EIF2S2: variants seen among roughly 807,000 people sequenced by gnomAD.
EIF2S2 encodes the protein eukaryotic translation initiation factor 2 subunit 2.
Under a neutral mutation model 44.0 loss-of-function variants are expected in EIF2S2, and 4 were observed. The ratio of observed to expected loss-of-function variants is 0.09; its 90% CI spans 0.04 to 0.21. EIF2S2 has a LOEUF of 0.21. EIF2S2 is among the 10% of genes least tolerant of loss of function. The pLI, the probability that EIF2S2 is intolerant of heterozygous loss-of-function variation, is 1.00. For missense variants in EIF2S2, 154 were observed against 392.0 expected, an observed-to-expected ratio of 0.39 and a Z score of 5.13; for synonymous variants, 108 against 128.3, an observed-to-expected ratio of 0.84 and a Z score of 1.07.
At chr20:34,105,293 C>T in intron 2 of EIF2S2, 75 bp downstream of exon 2, 1 of 1,520,036 alleles carries the variant, frequency 6.6e-7, no homozygotes, top group Admixed American at 2.0e-5. Flanking sequence ...GAGGTCGCTG[C>T]ATATCCAAAA....
At chr20:34,110,760 T>A (rs747490640) in intron 1 of EIF2S2, among the ~76,000 whole-genome samples, 4 of 152,204 alleles carry the variant, frequency 2.6e-5, no homozygotes, top group Non-Finnish European at 5.9e-5. Flanking sequence ...AGTACTGTAT[T>A]TGCCAAAGGT....
intron 1 of EIF2S2, 37 bp from the exon 2 acceptor site, chr20:34,105,582 A>AT (rs1183326164): frequency 6.7e-7 from 1 of 1,492,514 alleles, no homozygotes; most frequent in Non-Finnish European, 8.9e-7. Context: ...GGACCAAATG[A>AT]TTGTTTTTAA....
chr20:34,090,627 C>A, intron 7 of EIF2S2, 25 bp from the exon 8 acceptor site: 1 of 1,373,304 alleles, frequency 7.3e-7, no homozygotes, highest in Non-Finnish European at 9.9e-7. Context: ...AAAAATATCT[C>A]CATTATTATT....
At chr20:34,090,752 T>C (rs553342376) in intron 7 of EIF2S2, 150 bp from the exon 8 acceptor site, 1 of 461,350 alleles carries the variant, frequency 2.2e-6, no homozygotes, top group South Asian at 3.2e-5. Flanking sequence ...TTTCCCAAAA[T>C]TTATTTATTT....
intron 3 of EIF2S2, among the ~76,000 whole-genome samples, chr20:34,099,844 C>T: frequency 6.6e-6 from 1 of 152,092 alleles, no homozygotes; most frequent in East Asian, 1.9e-4. Flanking sequence ...ATGCATAGGA[C>T]AAGTTATGGG....
chr20:34,105,497 G>A lies in EIF2S2; in HGVS notation c.64C>T (p.Pro22Ser), dbSNP rs1568718551. The A allele has an allele frequency of 3.7e-6, 6 of 1,611,194 alleles. No homozygotes were observed. Among genetic ancestry groups the A allele is most frequent in the Non-Finnish European group, 5.1e-6 (6 of 1,179,198 alleles). The change falls in exon 2 of 9, where the codon CCT (proline) becomes TCT (serine). Residue 22 changes from proline (P) to serine (S), a missense_variant. Physicochemically the swap from Pro to Ser is moderately conservative, Grantham distance 74. Around this residue, in one of 2 missense-constraint regions of EIF2S2, gnomAD observed 134 missense variants for 225.0 expected, o/e 0.60. Transcript: ENST00000374980. ...TCCCCTTCCTCATCTAACATAAAAGGCTTCTTCTTCTTCTTTTTCTTCTTG... is the reference window on the plus strand; with the variant it reads ...TCCCCTTCCTCATCTAACATAAAAGACTTCTTCTTCTTCTTTTTCTTCTTG... ...MSKKKKKKKK[P>S]FMLDEEGDTQ...
At chr20:34,099,016 ATTC>A (rs1250497845) in intron 3 of EIF2S2, among the ~76,000 whole-genome samples, 1 of 152,172 alleles carries the variant, frequency 6.6e-6, no homozygotes, top group African/African-American at 2.4e-5. Context: ...TCATCTCTTT[ATTC>A]TTCAGCCTTA....
chr20:34,107,240 A>AT (rs2122436338), intron 1 of EIF2S2, among the ~76,000 whole-genome samples: 1 of 151,978 alleles, frequency 6.6e-6, no homozygotes, highest in East Asian at 1.9e-4. Context: ...AATCCCAAGT[A>AT]TTTTTTTCCT....
chr20:34,098,084 T>C (rs1323690619), intron 4 of EIF2S2, among the ~76,000 whole-genome samples: 4 of 152,088 alleles, frequency 2.6e-5, no homozygotes, highest in Non-Finnish European at 5.9e-5. Flanking sequence ...CCATCTCTAC[T>C]AAAAATACAA....
At chr20:34,095,072 C>T (rs549335645) in intron 6 of EIF2S2, among the ~76,000 whole-genome samples, 33 of 152,258 alleles carry the variant, frequency 2.2e-4, no homozygotes, top group South Asian at 1.9e-3. Flanking sequence ...TAAAGATGTT[C>T]GGTGAAGTTT....
rs779790925 is a variant in EIF2S2 at position 34,093,745 on chromosome 20, C to A, written c.684-14G>T. The A allele has an allele frequency of 3.6e-5, 57 of 1,593,622 alleles. No individual in the cohort carries two copies. The highest frequency in any genetic ancestry group is 4.2e-5 in the Non-Finnish European group (49 of 1,167,350). On this transcript the variant is annotated splice_polypyrimidine_tract_variant and intron_variant, in intron 6 of 8. Transcript: ENST00000374980. ...TGACGATGTAATCTAAAAAGAAAAT[C>A]AAAATATATAAACCTTATCTCTCAT...
chr20:34,097,278 T>C (rs1183434778), intron 5 of EIF2S2, 138 bp downstream of exon 5: 1 of 719,654 alleles, frequency 1.4e-6, no homozygotes, highest in Non-Finnish European at 2.3e-6. Flanking sequence ...GGAATTGCTG[T>C]GCACTGGCTG....
intron 1 of EIF2S2, among the ~76,000 whole-genome samples, chr20:34,106,109 G>A (rs1035355207): frequency 1.3e-5 from 2 of 151,824 alleles, no homozygotes; most frequent in African/African-American, 2.4e-5. Flanking sequence ...TTGTAGAGAC[G>A]GGGTCTCCCT....
At chr20:34,103,322 G>A in intron 3 of EIF2S2, 140 bp downstream of exon 3, 1 of 1,186,226 alleles carries the variant, frequency 8.4e-7, no homozygotes, top group Non-Finnish European at 1.1e-6. Flanking sequence ...ACACTCCCAA[G>A]AAAATGACGC....
intron 8 of EIF2S2, 48 bp from the exon 9 acceptor site, chr20:34,089,953 A>G (rs2034143958): frequency 6.2e-7 from 1 of 1,602,736 alleles, no homozygotes; most frequent in South Asian, 1.1e-5. Context: ...GCAGTGAGGT[A>G]GAGAAGTTTC....
chr20:34,097,800 T>C (rs1253856924), intron 4 of EIF2S2, among the ~76,000 whole-genome samples: 2 of 152,180 alleles, frequency 1.3e-5, no homozygotes, highest in Admixed American at 6.5e-5. Context: ...AAATAATGCA[T>C]TGGAATAATT....
chr20:34,097,968 G>A (rs745863735), intron 4 of EIF2S2, among the ~76,000 whole-genome samples: 15 of 152,210 alleles, frequency 9.9e-5, no homozygotes, highest in South Asian at 2.1e-4. Flanking sequence ...AATCGGGGCC[G>A]GGCGCTGTGG....
At chr20:34,102,496 ATCAC>A (rs2122423009) in intron 3 of EIF2S2, among the ~76,000 whole-genome samples, 1 of 152,352 alleles carries the variant, frequency 6.6e-6, no homozygotes, top group Non-Finnish European at 1.5e-5. Flanking sequence ...ACTTGCTGTA[ATCAC>A]TCATACTTAT....
chr20:34,104,789 A>C (rs1329977124), intron 2 of EIF2S2, among the ~76,000 whole-genome samples: 1 of 152,232 alleles, frequency 6.6e-6, no homozygotes, highest in Non-Finnish European at 1.5e-5. Flanking sequence ...GTTACTTTCC[A>C]AATTTGTTTT....
Sources: gnomAD v4.1 joint callset for allele counts (sites outside exome capture counted in the v4.1 genomes callset) on GRCh38, gnomAD v4.1.1 for gene constraint, gnomAD v4.1.1 regional missense constraint, MANE v1.5 for transcripts, NCBI Gene and HGNC (gene_info 2026-07-23, HGNC 2026-07-21) for gene names.